Variants in GPC3 observed in about 807,000 individuals in gnomAD.
GPC3 encodes glypican 3.
Under a neutral mutation model 34.4 loss-of-function variants are expected in GPC3, and 3 were observed. That is an observed-to-expected ratio of 0.09 (90% CI 0.04 to 0.23). GPC3 has a LOEUF of 0.23. Among genes scored for constraint, GPC3 ranks in the 10% least tolerant of loss-of-function variants. The pLI is 1.00. For missense variants in GPC3, 351 were observed against 445.6 expected (o/e 0.79, Z 1.91); for synonymous variants, 177 against 174.0 (o/e 1.02, Z -0.13).
At chrX:133,788,511 C>T (rs183343042) in intron 2 of GPC3, among the ~76,000 whole-genome samples, 1 of 109,887 alleles carries the variant, frequency 9.1e-6, no homozygotes, top group Admixed American at 9.8e-5. Flanking sequence ...CAAGAGGTTG[C>T]CCCTTTCTTG....
intron 1 of GPC3, among the ~76,000 whole-genome samples, chrX:133,977,992 G>A (rs1387788462): frequency 8.9e-6 from 1 of 111,925 alleles, no homozygotes; most frequent in Non-Finnish European, 1.9e-5. Flanking sequence ...GAGTGCAGTG[G>A]TATGATCTCA....
rs1031551658 is a variant in GPC3, at chrX:133,651,309, C to G, written c.1413+10421G>C. On this transcript the variant is annotated intron_variant, in intron 6 of 7. Transcript: ENST00000370818. ...TAGTCACTTCCATGTCTCTCCCTCT[C>G]CCACCTCAACATACATGTAAATACG... Among the ~76,000 whole-genome samples the G allele has an allele frequency of 3.1e-4, 34 of 110,128 alleles. No individual in the cohort carries two copies. In the Admixed American group the frequency reaches 3.1e-3, roughly 10 times the overall value.
intron 2 of GPC3, among the ~76,000 whole-genome samples, chrX:133,765,555 G>T (rs1330258647): frequency 9.0e-6 from 1 of 111,326 alleles, no homozygotes; most frequent in African/African-American, 3.3e-5. Flanking sequence ...ACATCTAGGG[G>T]ACGTTTTGTG....
At position 133,671,095 on chromosome X, in the gene GPC3, G is replaced by A. The variant is rs760846743; in HGVS notation, c.1293-9245C>T. The stretch of plus-strand genomic sequence containing the variant: ...ACAGTGCCTAAGACAGAAATTTAGA[G>A]TGCCTAAGACAGGAAAAACTAGCCA... On this transcript the variant is annotated intron_variant, in intron 5 of 7. Coordinates refer to ENST00000370818, the MANE Select transcript of GPC3 (RefSeq NM_004484.4). 3.2e-4 allele frequency: 218 copies of A among 689,608 alleles called. 1 individual carries two copies. The South Asian group carries it at 4.5e-3, about 14-fold the overall frequency. The allele number at this position is 689,608 out of a possible 1,213,427, so 56.8% of individuals were successfully genotyped here.
At chrX:133,806,106 T>C (rs2075634064) in intron 2 of GPC3, among the ~76,000 whole-genome samples, 1 of 112,270 alleles carries the variant, frequency 8.9e-6, no homozygotes, top group Non-Finnish European at 1.9e-5. Context: ...TGGCACTTAG[T>C]ACAACTTAGC....
intron 7 of GPC3, among the ~76,000 whole-genome samples, chrX:133,538,204 G>C (rs919296473): frequency 1.6e-4 from 18 of 112,010 alleles, no homozygotes; most frequent in Non-Finnish European, 9.4e-5. Context: ...TTGGAAATTA[G>C]ACCTCTTTCT....
chrX:133,847,526 G>A (rs2124556547), intron 2 of GPC3, among the ~76,000 whole-genome samples: 1 of 112,306 alleles, frequency 8.9e-6, no homozygotes, highest in East Asian at 2.8e-4. Context: ...AACAATTTTA[G>A]GAGACTTTTC....
intron 5 of GPC3, among the ~76,000 whole-genome samples, chrX:133,664,554 A>T (rs1217717269): frequency 1.8e-5 from 2 of 111,580 alleles, no homozygotes; most frequent in African/African-American, 3.3e-5. Flanking sequence ...AAAAAATGAA[A>T]CTACATTTAT....
intron 2 of GPC3, among the ~76,000 whole-genome samples, chrX:133,896,474 G>A (rs778018860): frequency 9.0e-6 from 1 of 111,574 alleles, no homozygotes; most frequent in East Asian, 2.8e-4. Flanking sequence ...ATGTCTCTAA[G>A]TTCTTTTTCA....
intron 1 of GPC3, among the ~76,000 whole-genome samples, chrX:133,976,250 G>C (rs1005250624): frequency 5.4e-5 from 6 of 112,050 alleles, no homozygotes; most frequent in Non-Finnish European, 9.4e-5. Context: ...ATGTGTATAT[G>C]AGTGTACAAA....
At position 133,821,545 on chromosome X, in the gene GPC3, A is replaced by G. The variant is rs1446017387; in HGVS notation, c.338-67369T>C. Among the ~76,000 whole-genome samples the G allele has an allele frequency of 3.6e-5, 4 of 111,993 alleles. No homozygotes were observed. The East Asian group carries it at 1.1e-3, about 31-fold the overall frequency. On this transcript the variant is annotated intron_variant, in intron 2 of 7. Transcript: ENST00000370818. ...GTAAGCTGGGGCTATAGAGATACAT[A>G]TATATTCGGAACACTTGAAATGGAG...
chrX:133,962,488 T>A (rs1288427324), intron 1 of GPC3, among the ~76,000 whole-genome samples: 1 of 111,846 alleles, frequency 8.9e-6, no homozygotes, highest in Admixed American at 9.5e-5. Flanking sequence ...AGAGCAACTT[T>A]TAGAAAAGCG....
intron 1 of GPC3, among the ~76,000 whole-genome samples, chrX:133,966,924 C>A (rs1331735039): frequency 8.9e-6 from 1 of 111,996 alleles, no homozygotes; most frequent in African/African-American, 3.2e-5. Context: ...TAATGCAAAT[C>A]AGAATCCTCA....
At position 133,976,966 on chromosome X, in the gene GPC3, T is replaced by A. The variant is rs182713299; in HGVS notation, c.175+8309A>T. On this transcript the variant is annotated intron_variant, in intron 1 of 7. Coordinates refer to ENST00000370818, the MANE Select transcript of GPC3 (RefSeq NM_004484.4). ...ATAAATAAATAAATAAATAAATAAA[T>A]GAGGGGCAACAAGGCTCCCAGGGCC... 7.7e-4 allele frequency among the ~76,000 whole-genome samples: 84 copies of A among 109,011 alleles called. 1 individual carries two copies. The highest frequency in any genetic ancestry group is 2.2e-3 in the African/African-American group (66 of 29,868). The allele number at this position is 109,011 out of a possible 115,157, so 94.7% of individuals were successfully genotyped here. A position where few individuals can be genotyped will look rare whatever the true frequency, so the allele number is the denominator to read the frequency against.
At chrX:133,628,905 T>C (rs2070335970) in intron 6 of GPC3, among the ~76,000 whole-genome samples, 1 of 111,467 alleles carries the variant, frequency 9.0e-6, no homozygotes, top group South Asian at 3.8e-4. Flanking sequence ...CAGAATCTGC[T>C]ATGGATGTCC....
rs185862686 is a variant in GPC3 at position 133,810,547 on chromosome X, C to T, written c.338-56371G>A. On this transcript the variant is annotated intron_variant, in intron 2 of 7. Coordinates refer to ENST00000370818, the MANE Select transcript of GPC3 (RefSeq NM_004484.4). ...GGACAGTGAGGAAAAACTACAAAAA[C>T]GAAGTGAGTCCACGCTATATGTACT... Among the ~76,000 whole-genome samples the T allele has an allele frequency of 4.5e-5, 5 of 111,579 alleles. No individual in the cohort carries two copies. The East Asian group carries it at 1.4e-3, about 32-fold the overall frequency.
chrX:133,882,440 C>T lies in GPC3; in HGVS notation c.337+70610G>A, dbSNP rs532923974. Among the ~76,000 whole-genome samples, 31 of 111,484 alleles carry T rather than the reference C, an allele frequency of 2.8e-4. No individual in the cohort carries two copies. In the South Asian group the frequency reaches 0.011, roughly 40 times the overall value. ...CATGGATATGCTCTTTAGAAATAAC[C>T]GTTTAGATGTATCATTGTTCTTTCC... On this transcript the variant is annotated intron_variant, in intron 2 of 7. Transcript: ENST00000370818.
At chrX:133,763,665 A>T in intron 2 of GPC3, 1 of 679,533 alleles carries the variant, frequency 1.5e-6, no homozygotes, top group Non-Finnish European at 2.4e-6. Context: ...GGGTAGGAGC[A>T]ACCACTGGTT....
chrX:133,730,183 T>C (rs2071448903), intron 3 of GPC3, among the ~76,000 whole-genome samples: 2 of 111,313 alleles, frequency 1.8e-5, no homozygotes, highest in Admixed American at 9.5e-5. Flanking sequence ...CTAGAAAAAA[T>C]GCTTTATTAA....
Sources: allele counts gnomAD v4.1 joint callset (sites outside exome capture counted in the v4.1 genomes callset), GRCh38; gene constraint gnomAD v4.1.1; transcripts MANE v1.5; gene names NCBI Gene and HGNC (gene_info 2026-07-23, HGNC 2026-07-21).